Variants in DPYD observed in about 807,000 individuals in gnomAD.
DPYD encodes the protein dihydropyrimidine dehydrogenase [NADP(+)].
Under a neutral mutation model 116.2 loss-of-function variants are expected in DPYD, and 109 were observed. That is an observed-to-expected ratio of 0.94 (90% confidence interval 0.80 to 1.10). The LOEUF (loss-of-function observed/expected upper bound fraction) is 1.10. Among genes scored for constraint, DPYD ranks in the 50% least tolerant of loss-of-function variants. The pLI is 0.00. For missense variants in DPYD, 1,302 were observed against 1,254.5 expected (o/e 1.04, Z -0.57); for synonymous variants, 440 against 432.0 (o/e 1.02, Z -0.23).
intron 1 of DPYD, among the ~76,000 whole-genome samples, chr1:97,888,924 A>C (rs1423685810): frequency 6.6e-6 from 1 of 152,104 alleles, no homozygotes; most frequent in East Asian, 1.9e-4. Flanking sequence ...TTGGGAGTCC[A>C]AGGCAGGTGG....
rs529190393 is a variant in DPYD, at chr1:97,648,618, C to T, written c.850+30477G>A. Among the ~76,000 whole-genome samples, 3 of 152,034 alleles carry T rather than the reference C, an allele frequency of 2.0e-5. No individual in the cohort carries two copies. The East Asian group carries it at 5.8e-4, about 29-fold the overall frequency. ...CACTGATTTCTCCTATAAAGACACG[C>T]AGTTTTATTCACTATTGAAAGGTAA... On this transcript the variant is annotated intron_variant, in intron 8 of 22. Transcript: ENST00000370192.
chr1:97,252,210 A>C (rs1170757208), intron 18 of DPYD, among the ~76,000 whole-genome samples: 1 of 152,160 alleles, frequency 6.6e-6, no homozygotes, highest in Non-Finnish European at 1.5e-5. Flanking sequence ...CTCTTGTCAA[A>C]TTGAGGTCAT....
At chr1:97,613,776 A>G (rs1330255310) in intron 8 of DPYD, among the ~76,000 whole-genome samples, 2 of 152,122 alleles carry the variant, frequency 1.3e-5, no homozygotes, top group Admixed American at 6.6e-5. Context: ...ATTAGCAAAC[A>G]TCAATAATTA....
chr1:97,860,129 G>A (rs1439363169), intron 2 of DPYD, among the ~76,000 whole-genome samples: 2 of 152,030 alleles, frequency 1.3e-5, no homozygotes, highest in South Asian at 4.1e-4. Flanking sequence ...GATCACTTGA[G>A]TCCAAGAGTT....
chr1:97,787,864 T>C (rs1376106864), intron 3 of DPYD, among the ~76,000 whole-genome samples: 1 of 152,230 alleles, frequency 6.6e-6, no homozygotes, highest in Non-Finnish European at 1.5e-5. Flanking sequence ...CACTCTACCA[T>C]TGACCTTTAT....
intron 19 of DPYD, among the ~76,000 whole-genome samples, chr1:97,208,087 G>C (rs1659770776): frequency 6.6e-6 from 1 of 152,068 alleles, no homozygotes; most frequent in Non-Finnish European, 1.5e-5. Flanking sequence ...AATGTAGCCA[G>C]GAGTGTTTAA....
chr1:97,453,139 A>G (rs1044933741), intron 13 of DPYD, among the ~76,000 whole-genome samples: 3 of 152,058 alleles, frequency 2.0e-5, no homozygotes, highest in Admixed American at 2.0e-4. Context: ...CACGCAGCCT[A>G]CTGTGATGAC....
At chr1:97,875,974 T>C (rs912803897) in intron 2 of DPYD, among the ~76,000 whole-genome samples, 5 of 152,018 alleles carry the variant, frequency 3.3e-5, no homozygotes, top group Non-Finnish European at 4.4e-5. Flanking sequence ...ACTAGTTGAA[T>C]ACGGGGTTTT....
intron 1 of DPYD, among the ~76,000 whole-genome samples, chr1:97,918,316 C>T (rs1327278149): frequency 6.6e-6 from 1 of 152,140 alleles, no homozygotes; most frequent in Non-Finnish European, 1.5e-5. Flanking sequence ...CTTGCCCAAA[C>T]ACACAGCTTA....
At chr1:97,632,395 C>T (rs1269098891) in intron 8 of DPYD, among the ~76,000 whole-genome samples, 2 of 152,114 alleles carry the variant, frequency 1.3e-5, no homozygotes, top group African/African-American at 4.8e-5. Flanking sequence ...AGTAAACAAT[C>T]TTTCTGTCTC....
chr1:97,746,458 T>A (rs1571289851), intron 3 of DPYD, among the ~76,000 whole-genome samples: 1 of 152,142 alleles, frequency 6.6e-6, no homozygotes, highest in African/African-American at 2.4e-5. Context: ...TTAGTACATA[T>A]CACCTTTTAT....
intron 1 of DPYD, among the ~76,000 whole-genome samples, chr1:97,909,048 T>C (rs1673788687): frequency 6.6e-6 from 1 of 152,154 alleles, no homozygotes; most frequent in African/African-American, 2.4e-5. Flanking sequence ...AAGCATCAAG[T>C]AGAAAATAAA....
intron 20 of DPYD, among the ~76,000 whole-genome samples, chr1:97,154,532 ACATT>A (rs1335274968): frequency 6.7e-6 from 1 of 148,382 alleles, no homozygotes; most frequent in Non-Finnish European, 1.5e-5. Flanking sequence ...TGAGGTGGGT[ACATT>A]ACTGGAGGCC....
At chr1:97,341,603 T>A (rs1669590432) in intron 16 of DPYD, among the ~76,000 whole-genome samples, 1 of 152,322 alleles carries the variant, frequency 6.6e-6, no homozygotes, top group South Asian at 2.1e-4. Flanking sequence ...TAAAAACTTT[T>A]TAGTTTTACC....
At chr1:97,637,168 C>A (rs538644833) in intron 8 of DPYD, among the ~76,000 whole-genome samples, 1 of 152,216 alleles carries the variant, frequency 6.6e-6, no homozygotes, top group East Asian at 1.9e-4. Context: ...ATCCTCTCTT[C>A]AGGAGAGTTT....
chr1:97,885,084 C>T (rs1429156070), intron 1 of DPYD, among the ~76,000 whole-genome samples: 2 of 151,820 alleles, frequency 1.3e-5, no homozygotes, highest in Non-Finnish European at 2.9e-5. Context: ...AACAGTAATC[C>T]TCTGTCCATG....
chr1:97,299,587 C>T (rs1339748191), intron 18 of DPYD, among the ~76,000 whole-genome samples: 1 of 152,082 alleles, frequency 6.6e-6, no homozygotes, highest in African/African-American at 2.4e-5. Flanking sequence ...TAAACCTTTG[C>T]CCTTGCTCCA....
intron 16 of DPYD, among the ~76,000 whole-genome samples, chr1:97,350,421 G>A (rs1159844276): frequency 6.6e-6 from 1 of 151,966 alleles, no homozygotes; most frequent in Non-Finnish European, 1.5e-5. Context: ...ATTTATAATG[G>A]AATGTGGGTT....
rs1221282607 is a variant in DPYD, at chr1:97,466,852, A to G, written c.1741-16629T>C. 2.0e-5 allele frequency among the ~76,000 whole-genome samples: 3 copies of G among 152,050 alleles called. No homozygotes were observed. In the East Asian group the frequency reaches 5.8e-4, roughly 29 times the overall value. On this transcript the variant is annotated intron_variant, in intron 13 of 22. Coordinates refer to ENST00000370192, the MANE Select transcript of DPYD (RefSeq NM_000110.4). The stretch of plus-strand genomic sequence containing the variant: ...TTTGGATTCTAAAAGTTTTTCATAT[A>G]TTACCCATAAATATACCAAAGAACT...
Sources: allele counts gnomAD v4.1 joint callset (sites outside exome capture counted in the v4.1 genomes callset), GRCh38; gene constraint gnomAD v4.1.1; transcripts MANE v1.5; gene names NCBI Gene and HGNC (gene_info 2026-07-23, HGNC 2026-07-21).